COL25A1: variants seen among roughly 807,000 people sequenced by gnomAD.
COL25A1 encodes collagen type XXV alpha 1 chain.
In COL25A1, 103 loss-of-function variants were observed where a neutral mutation model predicts 128.4. The observed-to-expected ratio is 0.80, with a 90% CI of 0.68 to 0.94. The LOEUF is 0.94. Ranked by LOEUF, COL25A1 falls within the 40% of genes least tolerant of loss-of-function variation. COL25A1 has a pLI of 0.00. For missense variants in COL25A1, 745 were observed against 840.0 expected (o/e 0.89, Z 1.40); for synonymous variants, 279 against 277.2 (o/e 1.01, Z -0.06).
chr4:108,965,787 C>T (rs1419343138), intron 8 of COL25A1, among the ~76,000 whole-genome samples: 1 of 152,122 alleles, frequency 6.6e-6, no homozygotes, highest in East Asian at 1.9e-4. Context: ...ACAGTTGACA[C>T]TGAAGTTCTG....
At chr4:108,835,911 G>C (rs1733751313) in intron 31 of COL25A1, among the ~76,000 whole-genome samples, 1 of 105,190 alleles carries the variant, frequency 9.5e-6, no homozygotes, top group Non-Finnish European at 1.8e-5. Context: ...TCGCTCTGTT[G>C]CCCGGGCTGG....
chr4:108,886,244 C>A (rs1679976649), intron 18 of COL25A1, among the ~76,000 whole-genome samples: 1 of 151,728 alleles, frequency 6.6e-6, no homozygotes, highest in Admixed American at 6.6e-5. Flanking sequence ...GTAATGTTAC[C>A]CTTTGTGGAA....
intron 3 of COL25A1, among the ~76,000 whole-genome samples, chr4:109,106,627 T>C (rs1037609756): frequency 3.2e-4 from 48 of 152,254 alleles, no homozygotes; most frequent in African/African-American, 1.0e-3. Context: ...TTTGTGTGTA[T>C]ATCTTACTAA....
At position 108,819,265 on chromosome 4, in the gene COL25A1, GCATCCAGCC is replaced by G. The variant is rs1177800087; in HGVS notation, c.1901_1909del (p.Gly634_Asp636del). 3 of 1,609,822 alleles carry G rather than the reference GCATCCAGCC, an allele frequency of 1.9e-6. No homozygotes were observed. The highest frequency in any genetic ancestry group is 1.7e-6 in the Non-Finnish European group (2 of 1,178,574). The stretch of plus-strand genomic sequence containing the variant: ...GAAATACTGTACCAATTGGCAAGGG[GCATCCAGCC>G]CATCCAGGCCAGGCTGGCCTGGCTC... On this transcript the variant is annotated inframe_deletion, in exon 36 of 38. Transcript: ENST00000399132.
intron 3 of COL25A1, among the ~76,000 whole-genome samples, chr4:109,118,382 CA>C (rs869107965): frequency 1.0e-5 from 1 of 99,510 alleles, no homozygotes; most frequent in African/African-American, 6.9e-5. Flanking sequence ...AAAGATAACA[CA>C]CGTGAGGTGA....
intron 20 of COL25A1, among the ~76,000 whole-genome samples, chr4:108,868,805 AAAG>A (rs1738288564): frequency 6.8e-6 from 1 of 147,606 alleles, no homozygotes; most frequent in South Asian, 2.2e-4. Flanking sequence ...GGAAGGAAGG[AAAG>A]AAGGAAGGAA....
intron 3 of COL25A1, among the ~76,000 whole-genome samples, chr4:109,124,037 A>G (rs1223712465): frequency 6.6e-6 from 1 of 152,084 alleles, no homozygotes; most frequent in Non-Finnish European, 1.5e-5. Flanking sequence ...TTTCATTCAC[A>G]AAAAAATATT....
At chr4:109,178,583 C>T (rs773216623) in intron 3 of COL25A1, among the ~76,000 whole-genome samples, 18 of 151,930 alleles carry the variant, frequency 1.2e-4, no homozygotes, top group African/African-American at 2.9e-4. Flanking sequence ...CCAGCACTTT[C>T]GGAGGCCGAG....
At chr4:109,256,675 T>C (rs1441800353) in intron 3 of COL25A1, among the ~76,000 whole-genome samples, 1 of 152,072 alleles carries the variant, frequency 6.6e-6, no homozygotes, top group Non-Finnish European at 1.5e-5. Flanking sequence ...ACAGTGAAAA[T>C]ACCGGGTATT....
chr4:109,181,873 T>C (rs983396442), intron 3 of COL25A1, among the ~76,000 whole-genome samples: 2 of 152,060 alleles, frequency 1.3e-5, no homozygotes, highest in African/African-American at 4.8e-5. Flanking sequence ...CCCCTAGCCC[T>C]TGATAACCAC....
intron 3 of COL25A1, among the ~76,000 whole-genome samples, chr4:109,175,117 C>A (rs1438419182): frequency 6.6e-6 from 1 of 152,150 alleles, no homozygotes; most frequent in Non-Finnish European, 1.5e-5. Context: ...GAAACTGGCC[C>A]CTGGTGCCAA....
At chr4:109,146,364 AAGAT>A (rs1770946006) in intron 3 of COL25A1, among the ~76,000 whole-genome samples, 2 of 152,230 alleles carry the variant, frequency 1.3e-5, no homozygotes, top group African/African-American at 4.8e-5. Context: ...ATCCTGGAGA[AAGAT>A]TTAAAAATCA....
At position 109,161,442 on chromosome 4, in the gene COL25A1, T is replaced by C. The variant is rs531201130; in HGVS notation, c.368-111263A>G. Among the ~76,000 whole-genome samples, 41 of 152,326 alleles carry C rather than the reference T, an allele frequency of 2.7e-4. No individual in the cohort carries two copies. The South Asian group carries it at 7.9e-3, about 29-fold the overall frequency. On this transcript the variant is annotated intron_variant, in intron 3 of 37. Transcript: ENST00000399132. ...TAGTAAATCTGTTCTTTCTTTCTTA[T>C]CCTTAAATATCTACATCAAGTAACA...
chr4:109,175,911 G>A (rs1774049338), intron 3 of COL25A1, among the ~76,000 whole-genome samples: 1 of 152,184 alleles, frequency 6.6e-6, no homozygotes, highest in Admixed American at 6.5e-5. Context: ...CCTAGCAAAT[G>A]TCTTTTCCAG....
In COL25A1 at chr4:109,184,033, G is replaced by C. The variant is rs184126648; in HGVS notation, c.367+116550C>G. Among the ~76,000 whole-genome samples the C allele has an allele frequency of 2.6e-5, 4 of 151,794 alleles. No individual in the cohort carries two copies. The East Asian group carries it at 7.8e-4, about 29-fold the overall frequency. On this transcript the variant is annotated intron_variant, in intron 3 of 37. Coordinates refer to ENST00000399132, the MANE Select transcript of COL25A1 (RefSeq NM_198721.4). Reference sequence around the variant, plus strand: ...AAATGCTGTTGTCCAAAATTTTTCAGCTTGGAGAATACAATGTTGTTATTG... The same window carrying C: ...AAATGCTGTTGTCCAAAATTTTTCACCTTGGAGAATACAATGTTGTTATTG...
At chr4:109,216,376 G>C (rs764549001) in intron 3 of COL25A1, among the ~76,000 whole-genome samples, 3 of 152,128 alleles carry the variant, frequency 2.0e-5, no homozygotes, top group Non-Finnish European at 2.9e-5. Flanking sequence ...TGGTAAAAAT[G>C]CTTATGGGTT....
At chr4:109,194,088 T>C (rs1775827559) in intron 3 of COL25A1, among the ~76,000 whole-genome samples, 1 of 152,198 alleles carries the variant, frequency 6.6e-6, no homozygotes, top group Non-Finnish European at 1.5e-5. Context: ...TGTTAAAGCA[T>C]TTTTGGGAGG....
At chr4:109,064,227 C>G (rs1275107465) in intron 3 of COL25A1, among the ~76,000 whole-genome samples, 4 of 152,192 alleles carry the variant, frequency 2.6e-5, no homozygotes, top group Admixed American at 1.3e-4. Flanking sequence ...GAAACAGTTT[C>G]AGAATATTGG....
intron 3 of COL25A1, among the ~76,000 whole-genome samples, chr4:109,209,797 A>G (rs1334271116): frequency 6.6e-6 from 1 of 152,150 alleles, no homozygotes; most frequent in Admixed American, 6.6e-5. Flanking sequence ...TCACGACTGT[A>G]ATCTCAGCAC....
Sources: gnomAD v4.1 joint callset for allele counts (sites outside exome capture counted in the v4.1 genomes callset) on GRCh38, gnomAD v4.1.1 for gene constraint, MANE v1.5 for transcripts, NCBI Gene and HGNC (gene_info 2026-07-23, HGNC 2026-07-21) for gene names.